Variants in CRACR2A observed in about 807,000 individuals in gnomAD.
The protein encoded by CRACR2A is calcium release activated channel regulator 2A.
In CRACR2A, 79 loss-of-function variants were observed where a neutral mutation model predicts 90.5. The ratio of observed to expected loss-of-function variants is 0.87; its 90% CI spans 0.73 to 1.05. CRACR2A has a LOEUF of 1.05. Among genes scored for constraint, CRACR2A ranks in the 50% least tolerant of loss-of-function variants. The pLI, the probability that CRACR2A is intolerant of heterozygous loss-of-function variation, is 0.00. For synonymous variants in CRACR2A, 338 were observed against 356.7 expected (o/e 0.95, Z 0.59); for missense variants, 823 against 897.2 (o/e 0.92, Z 1.06).
chr12:3,616,204 A>C (rs1344505593), intron 19 of CRACR2A, among the ~76,000 whole-genome samples: 4 of 152,250 alleles, frequency 2.6e-5, no homozygotes, highest in Non-Finnish European at 5.9e-5. Flanking sequence ...TCGCCAATGC[A>C]TAGAGGAGTT....
In CRACR2A at chr12:3,647,005, G is replaced by A. The variant is rs529611481; in HGVS notation, c.1118+1537C>T. Among the ~76,000 whole-genome samples the A allele has an allele frequency of 5.3e-5, 8 of 152,302 alleles. No individual in the cohort carries two copies. The East Asian group carries it at 1.4e-3, about 26-fold the overall frequency. ...ACTGCCCAAGGTCACACAAGCTAATGAGAGGAAGTGCTGGGTTTTGAATCA... is the reference window on the plus strand; with the variant it reads ...ACTGCCCAAGGTCACACAAGCTAATAAGAGGAAGTGCTGGGTTTTGAATCA... On this transcript the variant is annotated intron_variant, in intron 11 of 19. Coordinates refer to ENST00000440314, the MANE Select transcript of CRACR2A (RefSeq NM_001144958.2).
At chr12:3,725,860 A>C (rs979339125) in intron 2 of CRACR2A, 1 of 152,218 alleles carries the variant, frequency 6.6e-6, no homozygotes, top group Non-Finnish European at 1.5e-5. Flanking sequence ...ACTTCATTGA[A>C]GAAGACATTG....
At chr12:3,721,471 G>C (rs1946173773) in intron 2 of CRACR2A, among the ~76,000 whole-genome samples, 1 of 151,686 alleles carries the variant, frequency 6.6e-6, no homozygotes, top group South Asian at 2.1e-4. Flanking sequence ...GTACATGCCT[G>C]TAGTCCTAGC....
At chr12:3,646,014 G>T (rs142188185) in intron 11 of CRACR2A, among the ~76,000 whole-genome samples, 9 of 152,284 alleles carry the variant, frequency 5.9e-5, no homozygotes, top group Admixed American at 4.6e-4. Flanking sequence ...CCTCTGTGAC[G>T]AGTATGGGGA....
At chr12:3,713,215 C>A in intron 3 of CRACR2A, 22 bp downstream of exon 3, 1 of 983,782 alleles carries the variant, frequency 1.0e-6, no homozygotes, top group Non-Finnish European at 1.2e-6. Flanking sequence ...TGCAACCTGT[C>A]GCCTTTTGTT....
At chr12:3,666,339 G>GTGTT (rs1555112090) in intron 7 of CRACR2A, among the ~76,000 whole-genome samples, 1 of 135,398 alleles carries the variant, frequency 7.4e-6, no homozygotes, top group Non-Finnish European at 1.6e-5. Flanking sequence ...GCGTGTGTGT[G>GTGTT]TGTGTGTGTG....
chr12:3,632,611 G>A (rs1292049985), intron 15 of CRACR2A, among the ~76,000 whole-genome samples: 1 of 152,194 alleles, frequency 6.6e-6, no homozygotes, highest in African/African-American at 2.4e-5. Flanking sequence ...CTATGGCATG[G>A]AAGAGAAGGT....
intron 19 of CRACR2A, among the ~76,000 whole-genome samples, chr12:3,616,013 G>A (rs966381548): frequency 2.6e-5 from 4 of 152,214 alleles, no homozygotes; most frequent in African/African-American, 7.2e-5. Flanking sequence ...CTTTCCAAAC[G>A]CTTTTGCGTT....
intron 10 of CRACR2A, among the ~76,000 whole-genome samples, chr12:3,652,377 A>G (rs190147225): frequency 7.2e-4 from 110 of 152,288 alleles, no homozygotes; most frequent in Non-Finnish European, 1.4e-3. Context: ...ACAATGAAAT[A>G]TGTTGTCCTT....
intron 13 of CRACR2A, among the ~76,000 whole-genome samples, chr12:3,640,147 G>A (rs930232074): frequency 1.3e-5 from 2 of 152,190 alleles, no homozygotes; most frequent in Non-Finnish European, 2.9e-5. Context: ...CTGCATCACG[G>A]CATGACTGAG....
intron 4 of CRACR2A, among the ~76,000 whole-genome samples, chr12:3,692,445 C>T (rs1172367128): frequency 7.1e-6 from 1 of 140,248 alleles, no homozygotes; most frequent in Non-Finnish European, 1.5e-5. Flanking sequence ...TGCTCTAACT[C>T]TAGGGGACCT....
At chr12:3,634,432 T>G (rs753134736) in intron 14 of CRACR2A, among the ~76,000 whole-genome samples, 39 of 152,138 alleles carry the variant, frequency 2.6e-4, no homozygotes, top group Non-Finnish European at 4.7e-4. Flanking sequence ...AGTCAGCCAG[T>G]CACTGCTGCC....
At chr12:3,621,648 CAAAAAAAAAAAAAAAAAA>C (rs557648607) in intron 17 of CRACR2A, among the ~76,000 whole-genome samples, 2 of 14,584 alleles carry the variant, frequency 1.4e-4, no homozygotes, top group East Asian at 3.0e-3. Flanking sequence ...GAGACTCTGT[CAAAAAAAAAAAAAAAAAA>C]AAAAAAAAAA....
intron 17 of CRACR2A, 128 bp from the exon 18 acceptor site, chr12:3,619,500 G>A (rs767172146): frequency 2.1e-5 from 15 of 699,328 alleles, no homozygotes; most frequent in East Asian, 1.4e-4. Context: ...AGGTGAGGCC[G>A]TAACAGAGTC....
chr12:3,620,135 G>T (rs1044786099), intron 17 of CRACR2A, among the ~76,000 whole-genome samples: 1 of 152,212 alleles, frequency 6.6e-6, no homozygotes, highest in African/African-American at 2.4e-5. Context: ...CTGCTTCCCG[G>T]GTCTCCACCT....
chr12:3,653,999 T>C (rs1296031139), intron 10 of CRACR2A, among the ~76,000 whole-genome samples: 6 of 152,242 alleles, frequency 3.9e-5, no homozygotes, highest in African/African-American at 1.4e-4. Flanking sequence ...GGGCTGTACA[T>C]TTCTTGTCAA....
chr12:3,617,701 T>C (rs1867717284), intron 18 of CRACR2A, among the ~76,000 whole-genome samples: 1 of 152,222 alleles, frequency 6.6e-6, no homozygotes, highest in Non-Finnish European at 1.5e-5. Context: ...TCATATTCCA[T>C]TGATCACTCC....
intron 4 of CRACR2A, among the ~76,000 whole-genome samples, chr12:3,689,841 T>G (rs1053452965): frequency 1.3e-5 from 2 of 152,010 alleles, no homozygotes; most frequent in African/African-American, 2.4e-5. Flanking sequence ...ATAATTTGTC[T>G]GTTCAGGGAT....
At chr12:3,653,107 C>T (rs574160859) in intron 10 of CRACR2A, among the ~76,000 whole-genome samples, 17 of 152,132 alleles carry the variant, frequency 1.1e-4, no homozygotes, top group Non-Finnish European at 2.1e-4. Context: ...CTCAGCCTCC[C>T]GAGTAGCTGA....
Sources: gnomAD v4.1 joint callset for allele counts (sites outside exome capture counted in the v4.1 genomes callset) on GRCh38, gnomAD v4.1.1 for gene constraint, MANE v1.5 for transcripts, NCBI Gene and HGNC (gene_info 2026-07-23, HGNC 2026-07-21) for gene names.